The following SNX13 variants were observed in gnomAD, a reference collection of about 807,000 sequenced individuals.
SNX13 encodes the protein sorting nexin 13.
In SNX13, 45 loss-of-function variants were observed where a neutral mutation model predicts 133.6. The observed-to-expected ratio is 0.34, with a 90% confidence interval of 0.27 to 0.43. SNX13 has a LOEUF of 0.43. SNX13 is among the 20% of genes least tolerant of loss of function. SNX13 has a pLI of 1.00. For missense variants in SNX13, 1,032 were observed against 1,145.1 expected (o/e 0.90, Z 1.43); for synonymous variants, 414 against 373.9 (o/e 1.11, Z -1.24).
At chr7:17,852,963 A>G (rs1018947057) in intron 9 of SNX13, among the ~76,000 whole-genome samples, 3 of 152,254 alleles carry the variant, frequency 2.0e-5, no homozygotes, top group Admixed American at 6.5e-5. Context: ...CAATTTCCTC[A>G]ATTTTTCAGT....
chr7:17,889,291 G>A lies in SNX13; in HGVS notation c.440+1072C>T, dbSNP rs150275122. On this transcript the variant is annotated intron_variant, in intron 5 of 25. Coordinates refer to ENST00000428135, the MANE Select transcript of SNX13 (RefSeq NM_015132.5). ...GGATGAGGAGTACAAATCTATCTCT[G>A]TAACAATTATTGTTCAAATCATAAA... 346 of 152,298 alleles carry A rather than the reference G, an allele frequency of 2.3e-3. 2 individuals are homozygous for A. Among genetic ancestry groups the A allele is most frequent in the Middle Eastern group, 0.01 (3 of 294 alleles). The allele number at this position is 152,298 out of a possible 1,614,324, so 9.4% of individuals were successfully genotyped here.
rs923876291 is a variant in SNX13, at chr7:17,914,707, C to A, written c.13-17261G>T. ...ATTTGCCACCATGAGACTGGCCCTACAAGAGAAGCTTAAGGGGGTTCTAAA... is the reference window on the plus strand; with the variant it reads ...ATTTGCCACCATGAGACTGGCCCTAAAAGAGAAGCTTAAGGGGGTTCTAAA... On this transcript the variant is annotated intron_variant, in intron 1 of 25. Transcript: ENST00000428135. Among the ~76,000 whole-genome samples the A allele has an allele frequency of 2.6e-5, 4 of 152,170 alleles. 1 individual carries two copies. Among genetic ancestry groups the A allele is most frequent in the African/African-American group, 9.6e-5 (4 of 41,454 alleles).
intron 10 of SNX13, 68 bp downstream of exon 10, chr7:17,850,757 AT>A: frequency 1.6e-6 from 2 of 1,250,526 alleles, no homozygotes; most frequent in Non-Finnish European, 2.1e-6. Context: ...ATTTAGGTAA[AT>A]TAATCAAAGT....
chr7:17,824,087 A>G (rs1787603385), intron 17 of SNX13, among the ~76,000 whole-genome samples: 1 of 152,110 alleles, frequency 6.6e-6, no homozygotes, highest in African/African-American at 2.4e-5. Context: ...TTTTGTGAAG[A>G]TGGTGATTTA....
intron 14 of SNX13, 97 bp downstream of exon 14, chr7:17,834,664 C>A: frequency 7.4e-6 from 5 of 672,340 alleles, no homozygotes; most frequent in South Asian, 5.3e-5. Flanking sequence ...TTTTTAATAC[C>A]ACTCTACTTT....
chr7:17,808,338 T>A (rs985068295), intron 20 of SNX13, among the ~76,000 whole-genome samples: 2 of 152,126 alleles, frequency 1.3e-5, no homozygotes, highest in Admixed American at 1.3e-4. Flanking sequence ...ATCAATTAAG[T>A]GGAAGAAAGG....
At position 17,829,996 on chromosome 7, in the gene SNX13, A is replaced by AT; in HGVS notation, c.1635+13dup. 6.6e-7 allele frequency: 1 copy of AT among 1,510,066 alleles called. No individual in the cohort carries two copies. The highest frequency in any genetic ancestry group is 9.0e-7 in the Non-Finnish European group (1 of 1,116,070). 93.5% of individuals were successfully genotyped at this position (1,510,066 alleles called of 1,614,324 possible). ...TTCAAGTCACTTTAATAAAGTACCC[A>AT]TAATAGTACTTACCAAATTTATGCT... is the stretch of plus-strand genomic sequence containing the variant. On this transcript the variant is annotated intron_variant, in intron 16 of 25. Transcript: ENST00000428135.
intron 5 of SNX13, chr7:17,889,058 G>T: frequency 5.6e-6 from 1 of 177,908 alleles, no homozygotes; most frequent in Non-Finnish European, 1.2e-5. Flanking sequence ...CATCAGGATA[G>T]TGTTGCTATA....
intron 1 of SNX13, among the ~76,000 whole-genome samples, chr7:17,913,503 T>C (rs1339950211): frequency 1.3e-5 from 2 of 152,112 alleles, no homozygotes; most frequent in African/African-American, 4.8e-5. Context: ...CAATTCTTAA[T>C]CTTAAGTGCC....
intron 1 of SNX13, among the ~76,000 whole-genome samples, chr7:17,917,519 C>T (rs185944405): frequency 2.6e-5 from 4 of 151,952 alleles, no homozygotes; most frequent in Admixed American, 2.0e-4. Context: ...AAGCCAAAAA[C>T]CAAATCAAGA....
At position 17,845,582 on chromosome 7, in the gene SNX13, T is replaced by C. The variant is rs372114055; in HGVS notation, c.1165+13A>G. ...CAATGGCTGTATCATTTAAATAGAATTGATCTACCTACCCATAAAAAATTG... is the reference window on the plus strand; with the variant it reads ...CAATGGCTGTATCATTTAAATAGAACTGATCTACCTACCCATAAAAAATTG... On this transcript the variant is annotated intron_variant, in intron 12 of 25. Coordinates refer to ENST00000428135, the MANE Select transcript of SNX13 (RefSeq NM_015132.5). 11 of 1,508,324 alleles carry C rather than the reference T, an allele frequency of 7.3e-6. No individual in the cohort carries two copies. The Middle Eastern group carries it at 5.1e-4, about 71-fold the overall frequency. 93.4% of individuals were successfully genotyped at this position (1,508,324 alleles called of 1,614,324 possible). A position where few individuals can be genotyped will look rare whatever the true frequency, so the allele number is the denominator to read the frequency against.
In SNX13 at chr7:17,868,504, A is replaced by G; in HGVS notation, c.754-14T>C. On this transcript the variant is annotated splice_polypyrimidine_tract_variant and intron_variant, in intron 8 of 25. Coordinates refer to ENST00000428135, the MANE Select transcript of SNX13 (RefSeq NM_015132.5). ...TGCAAGGATTTCCTGAAAAAAAAGT[A>G]AATAACAAAAACAAATTTAATCTAT... The G allele has an allele frequency of 6.4e-7, 1 of 1,564,762 alleles. No individual in the cohort carries two copies. Among genetic ancestry groups the G allele is most frequent in the Non-Finnish European group, 8.7e-7 (1 of 1,145,652 alleles).
chr7:17,896,790 T>C (rs952653828), intron 2 of SNX13, among the ~76,000 whole-genome samples: 4 of 152,136 alleles, frequency 2.6e-5, no homozygotes, highest in Middle Eastern at 3.2e-3. Flanking sequence ...AAATTATGAC[T>C]GAAACCTCTC....
intron 15 of SNX13, chr7:17,831,006 T>A (rs1788424870): frequency 2.0e-6 from 2 of 984,310 alleles, no homozygotes; most frequent in Non-Finnish European, 2.4e-6. Context: ...CCTAGGATTA[T>A]CCCTTGGTGA....
At chr7:17,875,819 T>C (rs765430326) in intron 5 of SNX13, 29 bp from the exon 6 acceptor site, 13 of 1,516,276 alleles carry the variant, frequency 8.6e-6, no homozygotes, top group Non-Finnish European at 2.7e-6. Context: ...CATAAAAGGA[T>C]TATATAAATG....
chr7:17,852,288 G>A (rs1176428094), intron 9 of SNX13, among the ~76,000 whole-genome samples: 2 of 152,082 alleles, frequency 1.3e-5, no homozygotes, highest in Non-Finnish European at 2.9e-5. Context: ...CGAGATAATC[G>A]CTTGAGCCCA....
At chr7:17,911,052 C>A (rs1230142076) in intron 1 of SNX13, among the ~76,000 whole-genome samples, 1 of 152,150 alleles carries the variant, frequency 6.6e-6, no homozygotes, top group East Asian at 1.9e-4. Flanking sequence ...TCAATGCTAA[C>A]TCAACTTCCA....
At chr7:17,860,769 T>G (rs1344406921) in intron 9 of SNX13, among the ~76,000 whole-genome samples, 1 of 152,212 alleles carries the variant, frequency 6.6e-6, no homozygotes, top group East Asian at 1.9e-4. Flanking sequence ...CATTTGAGTA[T>G]GCACATGAGA....
chr7:17,873,933 G>A (rs1440162791), intron 7 of SNX13, among the ~76,000 whole-genome samples: 3 of 151,938 alleles, frequency 2.0e-5, no homozygotes, highest in Non-Finnish European at 4.4e-5. Flanking sequence ...TCTACCACAC[G>A]TTAATTAGCT....
Sources: gnomAD v4.1 joint callset for allele counts (sites outside exome capture counted in the v4.1 genomes callset) on GRCh38, gnomAD v4.1.1 for gene constraint, MANE v1.5 for transcripts, NCBI Gene and HGNC (gene_info 2026-07-23, HGNC 2026-07-21) for gene names.